The following ARHGEF4 variants were observed in gnomAD, a reference collection of about 807,000 sequenced individuals.
The protein encoded by ARHGEF4 is Rho guanine nucleotide exchange factor 4.
In ARHGEF4, 119 loss-of-function variants were observed where a neutral mutation model predicts 162.0. The observed-to-expected ratio is 0.73, with a 90% CI of 0.63 to 0.86. The LOEUF (loss-of-function observed/expected upper bound fraction) is 0.86, where lower values mean the gene tolerates loss of function less well. Among genes scored for constraint, ARHGEF4 ranks in the 40% least tolerant of loss-of-function variants. The pLI is 0.00. For missense variants in ARHGEF4, 2,488 were observed against 2,456.0 expected, an observed-to-expected ratio of 1.01 and a Z score of -0.28; for synonymous variants, 1,014 against 979.9, an observed-to-expected ratio of 1.03 and a Z score of -0.65.
At chr2:130,996,735 G>A (rs4322880) in intron 4 of ARHGEF4, among the ~76,000 whole-genome samples, 75,420 of 151,954 alleles carry the variant, frequency 0.5, 21,105 homozygotes, top group African/African-American at 0.77. Flanking sequence ...CTTTTTCAGA[G>A]TGTGCGCACC....
chr2:130,956,031 G>A (rs1381215194), intron 4 of ARHGEF4, among the ~76,000 whole-genome samples: 2 of 152,214 alleles, frequency 1.3e-5, no homozygotes, highest in East Asian at 3.9e-4. Flanking sequence ...GCTCTGTGGA[G>A]CCCTTGGGGA....
chr2:130,919,710 T>C (rs1463031414), intron 2 of ARHGEF4, among the ~76,000 whole-genome samples: 1 of 152,002 alleles, frequency 6.6e-6, no homozygotes, highest in Non-Finnish European at 1.5e-5. Flanking sequence ...ACCCCGTCTC[T>C]ACTAAAAATA....
Position 130,869,947 on chromosome 2 carries a change from G to C in ARHGEF4, c.39+32955G>C, listed in dbSNP as rs555758250. Among the ~76,000 whole-genome samples the C allele has an allele frequency of 1.9e-3, 287 of 152,300 alleles. 2 individuals carry two copies. The highest frequency in any genetic ancestry group is 6.3e-3 in the African/African-American group (262 of 41,562). ...GAACAAGGCCCCCTCCGTGGAACCC[G>C]GTGTGGCCAGCGGGACCCGCTGAGC... is the stretch of plus-strand genomic sequence containing the variant. On this transcript the variant is annotated intron_variant, in intron 1 of 13. Transcript: ENST00000409359.
intron 5 of ARHGEF4, among the ~76,000 whole-genome samples, chr2:131,028,752 C>T (rs148850506): frequency 0.012 from 1,805 of 152,254 alleles, 33 homozygotes; most frequent in African/African-American, 0.041. Context: ...TGTTGTTGAA[C>T]GTCATGGAAG....
At chr2:130,930,407 C>A (rs1375753122) in intron 2 of ARHGEF4, among the ~76,000 whole-genome samples, 1 of 152,152 alleles carries the variant, frequency 6.6e-6, no homozygotes, top group Non-Finnish European at 1.5e-5. Context: ...CCTAACTATT[C>A]TGCTAGTGGG....
At chr2:131,045,791 C>T in intron 13 of ARHGEF4, 4 of 1,427,602 alleles carry the variant, frequency 2.8e-6, no homozygotes, top group Non-Finnish European at 3.7e-6. Context: ...CCTGAAACAT[C>T]ACATGCCTTT....
intron 1 of ARHGEF4, among the ~76,000 whole-genome samples, chr2:130,913,305 A>C (rs570202259): frequency 6.6e-6 from 1 of 152,362 alleles, no homozygotes; most frequent in East Asian, 1.9e-4. Flanking sequence ...GAATGTACTC[A>C]GTTTTCAAAT....
chr2:130,894,026 C>A (rs1680013833), intron 1 of ARHGEF4, among the ~76,000 whole-genome samples: 1 of 152,196 alleles, frequency 6.6e-6, no homozygotes, highest in Non-Finnish European at 1.5e-5. Flanking sequence ...CAGCCGTCGC[C>A]CTGATGGGGT....
At chr2:131,010,701 G>A (rs1401148925) in intron 4 of ARHGEF4, among the ~76,000 whole-genome samples, 1 of 152,214 alleles carries the variant, frequency 6.6e-6, no homozygotes, top group Non-Finnish European at 1.5e-5. Context: ...CCAGAGCTGA[G>A]GGGGTGGGGT....
At chr2:130,847,063 G>A (rs186121262) in intron 1 of ARHGEF4, among the ~76,000 whole-genome samples, 4 of 152,142 alleles carry the variant, frequency 2.6e-5, no homozygotes, top group East Asian at 1.9e-4. Flanking sequence ...TGATGTGCGC[G>A]GGCTAAGAGC....
chr2:130,893,700 G>T (rs1419046121), intron 1 of ARHGEF4, among the ~76,000 whole-genome samples: 1 of 152,160 alleles, frequency 6.6e-6, no homozygotes, highest in African/African-American at 2.4e-5. Context: ...GAATGGAGTT[G>T]AACAAGGAGG....
In ARHGEF4 at chr2:130,916,696, C is replaced by T. The variant is rs1180486807; in HGVS notation, c.2750C>T (p.Ser917Leu). The T allele has an allele frequency of 2.2e-5, 34 of 1,550,644 alleles. No homozygotes were observed. Among genetic ancestry groups the T allele is most frequent in the Non-Finnish European group, 3.0e-5 (34 of 1,146,992 alleles). ...ARLALAHKTF[S>L]NFIESIVLEK... Reference sequence around the variant, plus strand: ...TTGGCCTTGGCTCATAAGACCTTTTCAAACTTTATTGAGTCAATAGTTCTA... The same window carrying T: ...TTGGCCTTGGCTCATAAGACCTTTTTAAACTTTATTGAGTCAATAGTTCTA... Residue 917 changes from serine (S) to leucine (L), a missense_variant, in exon 2 of 14, where the codon TCA becomes TTA. Transcript: ENST00000409359.
intron 4 of ARHGEF4, among the ~76,000 whole-genome samples, chr2:131,016,582 G>A (rs1458360347): frequency 1.3e-5 from 2 of 152,264 alleles, no homozygotes; most frequent in African/African-American, 2.4e-5. Flanking sequence ...TGCATTTGCT[G>A]GAGCAGAGCT....
In ARHGEF4 at chr2:130,917,054, G is replaced by A. The variant is rs749132160; in HGVS notation, c.3108G>A (p.Gln1036=). 2 of 1,550,868 alleles carry A rather than the reference G, an allele frequency of 1.3e-6. No homozygotes were observed. The highest frequency in any genetic ancestry group is 1.2e-5 in the South Asian group (1 of 84,062). The change falls in exon 2 of 14, where the codon CAG becomes CAA. Residue 1036 remains glutamine, a synonymous_variant. Coordinates refer to ENST00000409359, the MANE Select transcript of ARHGEF4 (RefSeq NM_001367493.1). ...SEPTIKCTAT[Q]EGGRYLPSGI... The stretch of plus-strand genomic sequence containing the variant: ...CGACCATCAAGTGCACAGCCACCCA[G>A]GAAGGCGGTAGGTACCTACCTTCAG...
chr2:130,923,741 A>C (rs1298275752), intron 2 of ARHGEF4, among the ~76,000 whole-genome samples: 1 of 152,286 alleles, frequency 6.6e-6, no homozygotes, highest in African/African-American at 2.4e-5. Flanking sequence ...TGACATGTGA[A>C]CCAAGTCTCA....
chr2:130,985,695 A>G (rs959653745), intron 4 of ARHGEF4, among the ~76,000 whole-genome samples: 2 of 152,202 alleles, frequency 1.3e-5, no homozygotes, highest in African/African-American at 4.8e-5. Context: ...ATGTTTATGC[A>G]AAAACAACTG....
intron 4 of ARHGEF4, among the ~76,000 whole-genome samples, chr2:130,972,968 A>G (rs911862791): frequency 6.6e-6 from 1 of 152,290 alleles, no homozygotes; most frequent in African/African-American, 2.4e-5. Flanking sequence ...ACAACATATT[A>G]TAATCCTGAC....
intron 3 of ARHGEF4, among the ~76,000 whole-genome samples, chr2:130,932,285 A>G (rs1682683514): frequency 6.6e-6 from 1 of 152,146 alleles, no homozygotes; most frequent in South Asian, 2.1e-4. Flanking sequence ...TACTTGTCTC[A>G]CTTTGTTCAT....
intron 1 of ARHGEF4, among the ~76,000 whole-genome samples, chr2:130,886,632 G>C (rs1457320375): frequency 6.7e-6 from 1 of 150,104 alleles, no homozygotes; most frequent in Non-Finnish European, 1.5e-5. Flanking sequence ...AGTGAGCCGA[G>C]ATCGCGCCAC....
Sources: allele counts gnomAD v4.1 joint callset (sites outside exome capture counted in the v4.1 genomes callset), GRCh38; gene constraint gnomAD v4.1.1; transcripts MANE v1.5; gene names NCBI Gene and HGNC (gene_info 2026-07-23, HGNC 2026-07-21).